ADD2: variants seen among roughly 807,000 people sequenced by gnomAD.
The protein encoded by ADD2 is adducin 2.
Under a neutral mutation model 83.0 loss-of-function variants are expected in ADD2, and 23 were observed. The observed-to-expected ratio is 0.28, with a 90% CI of 0.20 to 0.39. ADD2 has a LOEUF of 0.39. Among genes scored for constraint, ADD2 ranks in the 10% least tolerant of loss-of-function variants. The probability of loss-of-function intolerance (pLI) is 1.00; values close to 1 mark genes in which losing one functional copy is unlikely to be tolerated. For synonymous variants in ADD2, 375 were observed against 375.4 expected (o/e 1.00, Z 0.01); for missense variants, 758 against 944.9 (o/e 0.80, Z 2.59).
intron 1 of ADD2, among the ~76,000 whole-genome samples, chr2:70,736,467 C>T (rs1460246091): frequency 2.6e-5 from 4 of 152,204 alleles, no homozygotes; most frequent in Admixed American, 6.5e-5. Flanking sequence ...CTCACCTGTA[C>T]TGACTTAGAA....
At chr2:70,670,076 C>A (rs1669838540) in intron 15 of ADD2, among the ~76,000 whole-genome samples, 1 of 152,172 alleles carries the variant, frequency 6.6e-6, no homozygotes, top group South Asian at 2.1e-4. Flanking sequence ...CCCAGTCAAC[C>A]CACAAAAGAA....
intron 1 of ADD2, among the ~76,000 whole-genome samples, chr2:70,754,469 T>A (rs1674670306): frequency 6.6e-6 from 1 of 151,864 alleles, no homozygotes; most frequent in Non-Finnish European, 1.5e-5. Context: ...CTATTTCCAC[T>A]CCTTCAAAAC....
At chr2:70,704,263 T>TGGGCCCCCCCCCCCCCCCC in intron 4 of ADD2, 58 bp downstream of exon 4, 27 of 913,214 alleles carry the variant, frequency 3.0e-5, no homozygotes, top group East Asian at 8.8e-5. Flanking sequence ...CTCCCTCTCT[T>TGGGCCCCCCCCCCCCCCCC]CCCCACCCCA....
At chr2:70,709,085 T>G (rs1191818214) in intron 2 of ADD2, among the ~76,000 whole-genome samples, 1 of 152,130 alleles carries the variant, frequency 6.6e-6, no homozygotes, top group Non-Finnish European at 1.5e-5. Flanking sequence ...CATCTAAAAT[T>G]TTTCTTTTAA....
In ADD2 at chr2:70,704,370, C is replaced by A; in HGVS notation, c.273G>T (p.Ala91=). The change falls in exon 4 of 16, where the codon GCG becomes GCT. Residue 91 remains alanine (A), a synonymous_variant. Coordinates refer to ENST00000264436, the MANE Select transcript of ADD2 (RefSeq NM_001617.4). ...SSNIWALRQI[A]DFMASTSHAV... The stretch of plus-strand genomic sequence containing the variant: ...CGTGGGAGGTGCTGGCCATGAAGTC[C>A]GCGATCTGTCGCAGGGCCCAGATGT... 6.2e-7 allele frequency: 1 copy of A among 1,611,638 alleles called. No homozygotes were observed. The highest frequency in any genetic ancestry group is 8.5e-7 in the Non-Finnish European group (1 of 1,178,680).
chr2:70,676,440 G>A lies in ADD2; in HGVS notation c.1593+356C>T. The stretch of plus-strand genomic sequence containing the variant: ...AGACTCTCAGGGCTGGGCACACCTG[G>A]GGCACCTGGGAGTCTCCAGCCCCAA... On this transcript the variant is annotated intron_variant, in intron 13 of 15. Transcript: ENST00000264436. The surrounding 1 kb of genome is among the most constrained non-coding windows in gnomAD (Gnocchi z 4.8). 1 of 1,232,448 alleles carries A rather than the reference G, an allele frequency of 8.1e-7. No homozygotes were observed. Among genetic ancestry groups the A allele is most frequent in the Non-Finnish European group, 1.0e-6 (1 of 982,588 alleles). 76.3% of individuals were successfully genotyped at this position (1,232,448 alleles called of 1,614,324 possible). A position where few individuals can be genotyped will look rare whatever the true frequency, so the allele number is the denominator to read the frequency against.
At chr2:70,757,421 A>G (rs1261347583) in intron 1 of ADD2, among the ~76,000 whole-genome samples, 4 of 152,214 alleles carry the variant, frequency 2.6e-5, no homozygotes, top group Non-Finnish European at 5.9e-5. Context: ...AAAGAAAAAT[A>G]ATGATATATT....
At chr2:70,753,452 G>T (rs531040456) in intron 1 of ADD2, among the ~76,000 whole-genome samples, 1 of 152,266 alleles carries the variant, frequency 6.6e-6, no homozygotes, top group South Asian at 2.1e-4. Flanking sequence ...TGATGATGCA[G>T]AAAAGAGAAA....
rs781865067 is a variant in ADD2, at chr2:70,678,856, C to T, written c.1231G>A (p.Glu411Lys). Residue 411 changes from glutamate (E) to lysine (K), a missense_variant, in exon 11 of 16, where the codon GAG becomes AAG. This residue lies in a region of ADD2 where 394 missense variants were observed against 509.3 expected (regional missense o/e 0.77). Transcript: ENST00000264436. ...AGGGCGGGCACCGGGGCACCGTCCT[C>T]CTCAAACACGAAGGCTGTGACCGTG... ...PATVTAFVFE[E>K]DGAPVPALRQ... The T allele has an allele frequency of 5.0e-6, 8 of 1,614,222 alleles. No homozygotes were observed. In the Admixed American group the frequency reaches 1.0e-4, roughly 20 times the overall value.
At chr2:70,710,029 C>T (rs1553375214) in intron 2 of ADD2, among the ~76,000 whole-genome samples, 2 of 152,302 alleles carry the variant, frequency 1.3e-5, no homozygotes, top group Admixed American at 6.5e-5. Context: ...ATCACCTCAT[C>T]GAACCCCACT....
chr2:70,671,793 G>T (rs1669905944), intron 15 of ADD2, among the ~76,000 whole-genome samples: 1 of 152,148 alleles, frequency 6.6e-6, no homozygotes, highest in Non-Finnish European at 1.5e-5. Flanking sequence ...GGAGCTCAGG[G>T]TTGGGGGATT....
chr2:70,712,443 C>CAAAA (rs11422928), intron 2 of ADD2, among the ~76,000 whole-genome samples: 10 of 123,234 alleles, frequency 8.1e-5, no homozygotes, highest in Non-Finnish European at 6.6e-5. Context: ...GACCCTGTCT[C>CAAAA]AAAAAAAATA....
At chr2:70,713,205 A>G (rs553271807) in intron 1 of ADD2, 21 bp from the exon 2 acceptor site, 7 of 947,204 alleles carry the variant, frequency 7.4e-6, no homozygotes, top group Non-Finnish European at 8.8e-6. Context: ...CAAACACGAC[A>G]AGTGTCAGGG....
chr2:70,705,471 C>T (rs1305171682), intron 3 of ADD2, among the ~76,000 whole-genome samples: 1 of 152,208 alleles, frequency 6.6e-6, no homozygotes, highest in Non-Finnish European at 1.5e-5. Flanking sequence ...CTGGGCTTCC[C>T]GATCCTTAGG....
chr2:70,663,384 G>A lies in ADD2; in HGVS notation c.*41C>T, dbSNP rs1558513700. On this transcript the variant is annotated 3_prime_UTR_variant, in exon 16 of 16. Transcript: ENST00000264436. The stretch of plus-strand genomic sequence containing the variant: ...ACAGAGATGGGAGAAGGGAAGGGGA[G>A]GAGAGAGAGGAGGCAGGAGGGAGCC... The A allele has an allele frequency of 1.3e-6, 2 of 1,561,528 alleles. No homozygotes were observed. The highest frequency in any genetic ancestry group is 1.4e-5 in the African/African-American group (1 of 73,700).
chr2:70,675,756 T>C lies in ADD2; in HGVS notation c.1594-931A>G, dbSNP rs995026098. The C allele has an allele frequency of 8.1e-6, 8 of 985,160 alleles. No homozygotes were observed. In the East Asian group the frequency reaches 6.8e-4, roughly 84 times the overall value. The allele number at this position is 985,160 out of a possible 1,614,324, so 61.0% of individuals were successfully genotyped here. ...AAGGGAGGCCACAGTAGGCCTAATGTAGGGAATCATGGAGTCAACCGAGAA... is the reference window on the plus strand; with the variant it reads ...AAGGGAGGCCACAGTAGGCCTAATGCAGGGAATCATGGAGTCAACCGAGAA... On this transcript the variant is annotated intron_variant, in intron 13 of 15. Coordinates refer to ENST00000264436, the MANE Select transcript of ADD2 (RefSeq NM_001617.4).
Position 70,692,400 on chromosome 2 carries a change from C to T in ADD2, c.705+3G>A, listed in dbSNP as rs1380881959. ...TTGGGTGGCTGAGAAGGAGTCCACT[C>T]ACCGCTGCTGTGGCCGGTGTGTGCA... is the stretch of plus-strand genomic sequence containing the variant. On this transcript the variant is annotated splice_donor_region_variant and intron_variant, in intron 7 of 15. Coordinates refer to ENST00000264436, the MANE Select transcript of ADD2 (RefSeq NM_001617.4). 1 of 1,545,016 alleles carries T rather than the reference C, an allele frequency of 6.5e-7. No individual in the cohort carries two copies. The highest frequency in any genetic ancestry group is 1.4e-5 in the African/African-American group (1 of 72,772).
At position 70,676,447 on chromosome 2, in the gene ADD2, T is replaced by G; in HGVS notation, c.1593+349A>C. 1 of 1,244,534 alleles carries G rather than the reference T, an allele frequency of 8.0e-7. No homozygotes were observed. The highest frequency in any genetic ancestry group is 1.0e-6 in the Non-Finnish European group (1 of 989,818). The allele number at this position is 1,244,534 out of a possible 1,614,324, so 77.1% of individuals were successfully genotyped here. ...CAGGGCTGGGCACACCTGGGGCACC[T>G]GGGAGTCTCCAGCCCCAAGCCTATG... On this transcript the variant is annotated intron_variant, in intron 13 of 15. Coordinates refer to ENST00000264436, the MANE Select transcript of ADD2 (RefSeq NM_001617.4). The surrounding 1 kb of genome is among the most constrained non-coding windows in gnomAD (Gnocchi z 4.8).
intron 1 of ADD2, among the ~76,000 whole-genome samples, chr2:70,751,200 C>G (rs1437672528): frequency 6.6e-6 from 1 of 152,136 alleles, no homozygotes; most frequent in Non-Finnish European, 1.5e-5. Flanking sequence ...ATCCCTTCCA[C>G]TTTGACACTC....
Sources: allele counts gnomAD v4.1 joint callset (sites outside exome capture counted in the v4.1 genomes callset), GRCh38; gene constraint gnomAD v4.1.1; regional missense constraint gnomAD v4.1.1; non-coding constraint Gnocchi (gnomAD v3.1); transcripts MANE v1.5; gene names NCBI Gene and HGNC (gene_info 2026-07-23, HGNC 2026-07-21).